PALS2: variants seen among roughly 807,000 people sequenced by gnomAD.
The protein encoded by PALS2 is protein associated with LIN7 2, MAGUK p55 family member, also known as protein PALS2.
Under a neutral mutation model 61.6 loss-of-function variants are expected in PALS2, and 27 were observed. The ratio of observed to expected loss-of-function variants is 0.44; its 90% CI spans 0.32 to 0.60. The LOEUF (loss-of-function observed/expected upper bound fraction) is 0.60. PALS2 is among the 20% of genes least tolerant of loss of function. The probability of loss-of-function intolerance (pLI) is 0.05; values close to 1 mark genes in which losing one functional copy is unlikely to be tolerated. For synonymous variants in PALS2, 236 were observed against 218.6 expected (o/e 1.08, Z -0.70); for missense variants, 554 against 639.4 (o/e 0.87, Z 1.44).
chr7:24,602,350 CA>C lies in PALS2; in HGVS notation c.-2-21315del, dbSNP rs201920883. On this transcript the variant is annotated intron_variant, in intron 1 of 11. Coordinates refer to ENST00000222644, the MANE Select transcript of PALS2 (RefSeq NM_001303037.2). ...TCTCTTTCATTTACTAGGCTTTTCTCAGCTATCCAGTATCCCAAGATTCTTA... is the reference window on the plus strand; with the variant it reads ...TCTCTTTCATTTACTAGGCTTTTCTCGCTATCCAGTATCCCAAGATTCTTA... 6.4e-3 allele frequency among the ~76,000 whole-genome samples: 973 copies of C among 152,242 alleles called. 10 individuals carry two copies. Among genetic ancestry groups the C allele is most frequent in the African/African-American group, 0.022 (928 of 41,536 alleles).
At chr7:24,620,229 C>G (rs1394479720) in intron 1 of PALS2, 1 of 152,164 alleles carries the variant, frequency 6.6e-6, no homozygotes, top group African/African-American at 2.4e-5. Flanking sequence ...TGGTGAGAGA[C>G]TGCAGAATCA....
intron 1 of PALS2, chr7:24,574,063 T>G (rs957296028): frequency 2.0e-5 from 3 of 152,328 alleles, no homozygotes. Flanking sequence ...GCGGCGTTGC[T>G]GTGACTGACA....
intron 1 of PALS2, among the ~76,000 whole-genome samples, chr7:24,611,028 C>T (rs1168330059): frequency 6.6e-6 from 1 of 152,054 alleles, no homozygotes; most frequent in Non-Finnish European, 1.5e-5. Context: ...AACCTATCAC[C>T]TAATGTAGTT....
chr7:24,669,674 T>C (rs560536392), intron 9 of PALS2, among the ~76,000 whole-genome samples: 1 of 152,352 alleles, frequency 6.6e-6, no homozygotes, highest in Admixed American at 6.5e-5. Context: ...TTGTCCAGTA[T>C]ATTTTGGGTT....
At chr7:24,590,039 G>A (rs993328757) in intron 1 of PALS2, among the ~76,000 whole-genome samples, 1 of 152,094 alleles carries the variant, frequency 6.6e-6, no homozygotes, top group Admixed American at 6.6e-5. Flanking sequence ...GGGAGAGGTG[G>A]TATGCTAATT....
At position 24,573,487 on chromosome 7, in the gene PALS2, C is replaced by T. The variant is rs2128035831; in HGVS notation, c.-109C>T. 1 of 383,382 alleles carries T rather than the reference C, an allele frequency of 2.6e-6. No homozygotes were observed. Among genetic ancestry groups the T allele is most frequent in the East Asian group, 3.7e-5 (1 of 27,248 alleles). 23.7% of individuals were successfully genotyped at this position (383,382 alleles called of 1,614,324 possible). A position where few individuals can be genotyped will look rare whatever the true frequency, so the allele number is the denominator to read the frequency against. On this transcript the variant is annotated 5_prime_UTR_variant, in exon 1 of 12. Transcript: ENST00000222644. This position sits in a 1 kb window ranked among gnomAD's most constrained non-coding sequence, Gnocchi z 5.3. The stretch of plus-strand genomic sequence containing the variant: ...TTCTCAACTACGAGCCACGAGTTTG[C>T]AGATGGGGCTGCTCGGCGGCGCCTG...
At chr7:24,644,877 T>A (rs1218455389) in intron 3 of PALS2, among the ~76,000 whole-genome samples, 1 of 152,158 alleles carries the variant, frequency 6.6e-6, no homozygotes, top group African/African-American at 2.4e-5. Flanking sequence ...TGGTTTTGAT[T>A]TGCGTTTCTC....
intron 2 of PALS2, among the ~76,000 whole-genome samples, chr7:24,629,819 C>T (rs540770973): frequency 7.9e-5 from 12 of 152,278 alleles, no homozygotes; most frequent in Middle Eastern, 6.8e-3. Context: ...ATTAAAAAGT[C>T]TGGAAACAAC....
At chr7:24,612,380 G>C (rs1784146200) in intron 1 of PALS2, among the ~76,000 whole-genome samples, 2 of 151,884 alleles carry the variant, frequency 1.3e-5, no homozygotes, top group Admixed American at 6.6e-5. Flanking sequence ...TGACATTTAT[G>C]CTTTCCTAAA....
chr7:24,635,910 T>C (rs866470492), intron 2 of PALS2, among the ~76,000 whole-genome samples: 1 of 151,974 alleles, frequency 6.6e-6, no homozygotes, highest in African/African-American at 2.4e-5. Flanking sequence ...TTAGGATAGA[T>C]CTGAAAAGAA....
chr7:24,640,805 A>C (rs112120231), intron 2 of PALS2, among the ~76,000 whole-genome samples: 23 of 151,982 alleles, frequency 1.5e-4, no homozygotes, highest in Middle Eastern at 6.8e-3. Flanking sequence ...TCAGGAGATC[A>C]AGACCATCCT....
intron 11 of PALS2, among the ~76,000 whole-genome samples, chr7:24,683,213 G>A (rs1392386548): frequency 7.2e-5 from 11 of 152,090 alleles, no homozygotes; most frequent in African/African-American, 2.4e-4. Context: ...TTATAAACTA[G>A]AATTCTTAAG....
intron 1 of PALS2, among the ~76,000 whole-genome samples, chr7:24,613,874 G>A (rs560472581): frequency 6.6e-6 from 1 of 151,864 alleles, no homozygotes; most frequent in East Asian, 1.9e-4. Context: ...TATTTCACTT[G>A]ATATCCTCCA....
At chr7:24,591,305 CAGGGT>C (rs1783277680) in intron 1 of PALS2, among the ~76,000 whole-genome samples, 1 of 152,048 alleles carries the variant, frequency 6.6e-6, no homozygotes, top group Admixed American at 6.6e-5. Flanking sequence ...AAAAGAGGGA[CAGGGT>C]CAGGAATGGA....
chr7:24,692,389 A>G lies in PALS2; in HGVS notation c.*4775A>G, dbSNP rs917953194. ...ACTATTCTACTTGTTAAGTAAGGCTAAGTTAATATTTGTCTTCGCCTTAAA... is the reference window on the plus strand; with the variant it reads ...ACTATTCTACTTGTTAAGTAAGGCTGAGTTAATATTTGTCTTCGCCTTAAA... On this transcript the variant is annotated 3_prime_UTR_variant, in exon 12 of 12. Transcript: ENST00000222644. The G allele has an allele frequency of 6.6e-6, 1 of 152,190 alleles. No individual in the cohort carries two copies. Among genetic ancestry groups the G allele is most frequent in the African/African-American group, 2.4e-5 (1 of 41,464 alleles). 9.4% of individuals were successfully genotyped at this position (152,190 alleles called of 1,614,324 possible).
At position 24,641,735 on chromosome 7, in the gene PALS2, A is replaced by T; in HGVS notation, c.137A>T (p.Asp46Val). Reference sequence around the variant, plus strand: ...TTTCAGGCTCATGAGAGGCTAGAAGATTCCAAACTAGAAGCTGTCAGTGAC... The same window carrying T: ...TTTCAGGCTCATGAGAGGCTAGAAGTTTCCAAACTAGAAGCTGTCAGTGAC... Reference protein sequence around the residue: ...SLAKAHERLEDSKLEAVSDNN... With the variant: ...SLAKAHERLEVSKLEAVSDNN... The change falls in exon 3 of 12, where the codon GAT (aspartate) becomes GTT (valine). Residue 46 changes from aspartate (D) to valine (V), a missense_variant. Coordinates refer to ENST00000222644, the MANE Select transcript of PALS2 (RefSeq NM_001303037.2). 2 of 1,611,110 alleles carry T rather than the reference A, an allele frequency of 1.2e-6. No individual in the cohort carries two copies. The highest frequency in any genetic ancestry group is 1.7e-5 in the Admixed American group (1 of 59,472).
chr7:24,658,189 A>G (rs1786524606), intron 5 of PALS2, among the ~76,000 whole-genome samples: 1 of 152,102 alleles, frequency 6.6e-6, no homozygotes, highest in Non-Finnish European at 1.5e-5. Context: ...TTTCTTTTGC[A>G]ATGTCTAATC....
chr7:24,601,211 C>T (rs1450205546), intron 1 of PALS2, among the ~76,000 whole-genome samples: 1 of 152,070 alleles, frequency 6.6e-6, no homozygotes, highest in East Asian at 1.9e-4. Context: ...GTTCTTTCAC[C>T]CTAATTATAT....
intron 1 of PALS2, among the ~76,000 whole-genome samples, chr7:24,585,076 T>C (rs1415595456): frequency 6.6e-6 from 1 of 152,178 alleles, no homozygotes; most frequent in African/African-American, 2.4e-5. Context: ...CCTTGTAGTA[T>C]AGTTTGAAGT....
Sources: allele counts gnomAD v4.1 joint callset (sites outside exome capture counted in the v4.1 genomes callset), GRCh38; gene constraint gnomAD v4.1.1; non-coding constraint Gnocchi (gnomAD v3.1); transcripts MANE v1.5; gene names NCBI Gene and HGNC (gene_info 2026-07-23, HGNC 2026-07-21).